The following TERF2 variants were observed in gnomAD, a reference collection of about 807,000 sequenced individuals.
TERF2 encodes the protein telomeric repeat-binding factor 2.
Under a neutral mutation model 56.1 loss-of-function variants are expected in TERF2, and 16 were observed. The observed-to-expected ratio is 0.29, with a 90% CI of 0.19 to 0.43. TERF2 has a LOEUF of 0.43. Among genes scored for constraint, TERF2 ranks in the 20% least tolerant of loss-of-function variants. The pLI, the probability that TERF2 is intolerant of heterozygous loss-of-function variation, is 1.00. For missense variants in TERF2, 547 were observed against 712.9 expected (o/e 0.77, Z 2.65); for synonymous variants, 296 against 282.1 (o/e 1.05, Z -0.50).
intron 3 of TERF2, among the ~76,000 whole-genome samples, chr16:69,382,134 TG>T (rs1397666275): frequency 6.6e-6 from 1 of 152,242 alleles, no homozygotes; most frequent in Non-Finnish European, 1.5e-5. Context: ...AAAACAGTTT[TG>T]ACCTCATGGC....
Position 69,385,806 on chromosome 16 carries a change from C to T in TERF2, c.166G>A (p.Ala56Thr). ...GGGSSDGSGR[A>T]AGRRASRSSG... ...CTGCGGGACGCCCGCCTGCCAGCTG[C>T]CCGCCCGCTGCCGTCGCTACTCCCG... The change falls in exon 1 of 10, where the codon GCA becomes ACA. Residue 56 changes from alanine to threonine, a missense_variant. Around this residue, in one of 6 missense-constraint regions of TERF2, gnomAD observed 120 missense variants for 172.4 expected, o/e 0.70. Transcript: ENST00000254942. 7 of 1,303,604 alleles carry T rather than the reference C, an allele frequency of 5.4e-6. No homozygotes were observed. Among genetic ancestry groups the T allele is most frequent in the Non-Finnish European group, 5.8e-6 (6 of 1,025,754 alleles). The allele number at this position is 1,303,604 out of a possible 1,614,324, so 80.8% of individuals were successfully genotyped here.
rs146506589 is a variant in TERF2, at chr16:69,385,709, G to A, written c.263C>T (p.Ala88Val). Residue 88 changes from alanine (A) to valine (V), a missense_variant, in exon 1 of 10, where the codon GCA becomes GTA. Coordinates refer to ENST00000254942, the MANE Select transcript of TERF2 (RefSeq NM_005652.5). The stretch of plus-strand genomic sequence containing the variant: ...GCGATTGACTGCCTCTTCCAGCCGT[G>A]CCTCCCCCGCGCCGCGCTCCGCCGG... ...GGPAERGAGEARLEEAVNRWV... is the reference protein window; with the variant it reads ...GGPAERGAGEVRLEEAVNRWV... The A allele has an allele frequency of 3.1e-6, 5 of 1,595,462 alleles. No homozygotes were observed. The highest frequency in any genetic ancestry group is 4.3e-6 in the Non-Finnish European group (5 of 1,173,096).
At chr16:69,374,178 ACAGGT>A (rs1354350740) in intron 3 of TERF2, among the ~76,000 whole-genome samples, 3 of 152,228 alleles carry the variant, frequency 2.0e-5, no homozygotes, top group South Asian at 4.1e-4. Context: ...TTTTAATCAT[ACAGGT>A]CTTACTGTTT....
intron 3 of TERF2, among the ~76,000 whole-genome samples, chr16:69,383,505 A>G (rs912196653): frequency 7.2e-5 from 11 of 152,236 alleles, no homozygotes; most frequent in African/African-American, 2.7e-4. Context: ...ATTCTGGCAT[A>G]TGCCTCCCCT....
At chr16:69,358,145 T>C (rs1413198055) in intron 8 of TERF2, among the ~76,000 whole-genome samples, 2 of 150,796 alleles carry the variant, frequency 1.3e-5, no homozygotes, top group Non-Finnish European at 3.0e-5. Flanking sequence ...CCCGAGTAGC[T>C]GGGACTACAG....
In TERF2 at chr16:69,369,110, G is replaced by GTTTTAGACATTTCCAATCAGTCCAAT. The variant is rs764070208; in HGVS notation, c.841-629_841-628insATTGGACTGATTGGAAATGTCTAAAA. Among the ~76,000 whole-genome samples the GTTTTAGACATTTCCAATCAGTCCAAT allele has an allele frequency of 2.2e-4, 33 of 148,450 alleles. 5 individuals carry two copies. Among genetic ancestry groups the GTTTTAGACATTTCCAATCAGTCCAAT allele is most frequent in the Middle Eastern group, 3.5e-3 (1 of 282 alleles). ...CAAAGAGCCCTGAGTAGGCTAATCAGGGCTCTTTGTGTTATATAGATAAGG... is the reference window on the plus strand; with the variant it reads ...CAAAGAGCCCTGAGTAGGCTAATCAGTTTTAGACATTTCCAATCAGTCCAATGGCTCTTTGTGTTATATAGATAAGG... On this transcript the variant is annotated intron_variant, in intron 5 of 9. Transcript: ENST00000254942.
intron 8 of TERF2, among the ~76,000 whole-genome samples, chr16:69,359,590 C>A (rs1222080045): frequency 1.4e-5 from 2 of 144,138 alleles, no homozygotes; most frequent in Non-Finnish European, 3.0e-5. Context: ...CTTTTTTTCT[C>A]CTTCATTTTT....
intron 6 of TERF2, among the ~76,000 whole-genome samples, chr16:69,367,549 G>A (rs930508438): frequency 2.6e-5 from 4 of 152,100 alleles, no homozygotes; most frequent in South Asian, 4.2e-4. Context: ...CACCACACCC[G>A]GCCTACAACA....
At chr16:69,368,261 G>C (rs1379866527) in intron 6 of TERF2, 115 bp downstream of exon 6, 1 of 937,232 alleles carries the variant, frequency 1.1e-6, no homozygotes, top group Non-Finnish European at 1.6e-6. Context: ...GAGTAACCTC[G>C]TAACACGTTA....
intron 3 of TERF2, among the ~76,000 whole-genome samples, chr16:69,375,964 GTTCT>G (rs1303743699): frequency 1.3e-5 from 2 of 152,106 alleles, no homozygotes; most frequent in Non-Finnish European, 2.9e-5. Flanking sequence ...CTAGATACCA[GTTCT>G]TTGTCAGGTG....
At chr16:69,379,061 A>G (rs921096141) in intron 3 of TERF2, among the ~76,000 whole-genome samples, 4 of 152,182 alleles carry the variant, frequency 2.6e-5, no homozygotes, top group Non-Finnish European at 5.9e-5. Context: ...GGTATAAGCA[A>G]TATCAATGGT....
At chr16:69,370,445 G>A in intron 5 of TERF2, 38 bp downstream of exon 5, 1 of 1,603,944 alleles carries the variant, frequency 6.2e-7, no homozygotes, top group Non-Finnish European at 8.5e-7. Flanking sequence ...ACATCCTCAA[G>A]GGCACACCAT....
rs2014194935 is a variant in TERF2 at position 69,385,980 on chromosome 16, C to T, written c.-9G>A. 3 of 1,329,026 alleles carry T rather than the reference C, an allele frequency of 2.3e-6. No homozygotes were observed. Among genetic ancestry groups the T allele is most frequent in the Non-Finnish European group, 2.9e-6 (3 of 1,041,696 alleles). The allele number at this position is 1,329,026 out of a possible 1,614,324, so 82.3% of individuals were successfully genotyped here. On this transcript the variant is annotated 5_prime_UTR_variant, in exon 1 of 10. Coordinates refer to ENST00000254942, the MANE Select transcript of TERF2 (RefSeq NM_005652.5). ...CCGGCTCCCGCGGCCATGATAGAAA[C>T]AGCGTTCCGAGCCGCCCGCGGGCTT...
intron 8 of TERF2, among the ~76,000 whole-genome samples, chr16:69,360,705 CAAAAAAAAAAA>C (rs1204701669): frequency 1.5e-5 from 1 of 65,426 alleles, no homozygotes; most frequent in Admixed American, 1.8e-4. Flanking sequence ...GACCCTGTCT[CAAAAAAAAAAA>C]AAAAAAAAAA....
At chr16:69,367,634 C>T (rs950191580) in intron 6 of TERF2, among the ~76,000 whole-genome samples, 1 of 152,140 alleles carries the variant, frequency 6.6e-6, no homozygotes, top group African/African-American at 2.4e-5. Flanking sequence ...GAGAAACTGC[C>T]TTTTAAAAAT....
chr16:69,372,244 A>G, intron 4 of TERF2, 25 bp downstream of exon 4: 1 of 1,546,762 alleles, frequency 6.5e-7, no homozygotes, highest in Non-Finnish European at 8.8e-7. Flanking sequence ...TTTAAGTCAC[A>G]GGAGCAAAAA....
intron 3 of TERF2, among the ~76,000 whole-genome samples, chr16:69,375,726 A>G (rs1283725784): frequency 6.6e-6 from 1 of 152,180 alleles, no homozygotes; most frequent in East Asian, 1.9e-4. Flanking sequence ...GCAGGATTAT[A>G]GGCATGTGAC....
intron 9 of TERF2, 29 bp downstream of exon 9, chr16:69,357,489 C>T (rs1161179202): frequency 6.3e-7 from 1 of 1,592,818 alleles, no homozygotes; most frequent in South Asian, 1.1e-5. Context: ...CCCACATAAC[C>T]AGTAACAGAA....
In TERF2 at chr16:69,356,636, T is replaced by G. The variant is rs2012911173; in HGVS notation, c.*262A>C. The G allele has an allele frequency of 3.1e-6, 1 of 321,742 alleles. No homozygotes were observed. The highest frequency in any genetic ancestry group is 4.7e-5 in the Admixed American group (1 of 21,242). The allele number at this position is 321,742 out of a possible 1,614,324, so 19.9% of individuals were successfully genotyped here. A position where few individuals can be genotyped will look rare whatever the true frequency, so the allele number is the denominator to read the frequency against. ...TAACACGGTGAAACCCCGTCTCTAC[T>G]AAAAATACAAAACATTAGCCGGGCG... On this transcript the variant is annotated 3_prime_UTR_variant, in exon 10 of 10. Transcript: ENST00000254942.
Sources: gnomAD v4.1 joint callset for allele counts (sites outside exome capture counted in the v4.1 genomes callset) on GRCh38, gnomAD v4.1.1 for gene constraint, gnomAD v4.1.1 regional missense constraint, MANE v1.5 for transcripts, NCBI Gene and HGNC (gene_info 2026-07-23, HGNC 2026-07-21) for gene names.